OPLAH: variants seen among roughly 807,000 people sequenced by gnomAD.
The protein encoded by OPLAH is 5-oxoprolinase, ATP-hydrolysing.
Under a neutral mutation model 122.8 loss-of-function variants are expected in OPLAH, and 103 were observed. That is an observed-to-expected ratio of 0.84 (90% CI 0.71 to 0.99). OPLAH has a LOEUF of 0.99. OPLAH is among the 50% of genes least tolerant of loss of function. The pLI is 0.00. For missense variants in OPLAH, 1,902 were observed against 1,836.5 expected, an observed-to-expected ratio of 1.04 and a Z score of -0.65; for synonymous variants, 875 against 796.0, an observed-to-expected ratio of 1.10 and a Z score of -1.67.
In OPLAH at chr8:144,055,240, G is replaced by A. The variant is rs1477247890; in HGVS notation, c.2249-51C>T. 4.7e-6 allele frequency: 7 copies of A among 1,483,184 alleles called. No homozygotes were observed. Among genetic ancestry groups the A allele is most frequent in the Non-Finnish European group, 5.4e-6 (6 of 1,117,748 alleles). 91.9% of individuals were successfully genotyped at this position (1,483,184 alleles called of 1,614,324 possible). On this transcript the variant is annotated intron_variant, in intron 16 of 26. Transcript: ENST00000618853. The surrounding 1 kb of genome is among the most constrained non-coding windows in gnomAD (Gnocchi z 6.5). ...GCTGGCCCCACCCACCCACAGCCTG[G>A]CCCCAGGAAAGGGAGGAACAGGACC...
At position 144,051,267 on chromosome 8, in the gene OPLAH, AG is replaced by A; in HGVS notation, c.*58del. 1 of 1,600,532 alleles carries A rather than the reference AG, an allele frequency of 6.2e-7. No individual in the cohort carries two copies. The highest frequency in any genetic ancestry group is 1.1e-5 in the South Asian group (1 of 89,982). ...ACAGACACGACTCGGAGCACGAACT[AG>A]GCGCCGTAGCTGCGTCCCCAGAACC... On this transcript the variant is annotated 3_prime_UTR_variant, in exon 27 of 27. Transcript: ENST00000618853.
In OPLAH at chr8:144,058,645, C is replaced by G; in HGVS notation, c.634G>C (p.Gly212Arg). The change falls in exon 6 of 27, where the codon GGC (glycine) becomes CGC (arginine). Residue 212 changes from glycine to arginine, a missense_variant. Around this residue, in one of 3 missense-constraint regions of OPLAH, gnomAD observed 1,726 missense variants for 1,642.1 expected, o/e 1.05. Transcript: ENST00000618853. ...GAGGACAGTGACACGTGCGTGAAGC[C>G]CAGCTCCCGGGCCAGCACACCCACC... is the stretch of plus-strand genomic sequence containing the variant. ...QQVGVLAREL[G>R]FTHVSLSSEA... The G allele has an allele frequency of 6.2e-7, 1 of 1,600,898 alleles. No homozygotes were observed.
At chr8:144,050,953 A>G (rs1259689101), downstream of OPLAH, 3 of 1,036,370 alleles carry the variant, frequency 2.9e-6, no homozygotes, top group African/African-American at 5.1e-5. Context: ...GCCCTGGAGC[A>G]GGAGAAAGGG....
chr8:144,063,164 C>T (rs1554761171), upstream of OPLAH, among the ~76,000 whole-genome samples: 2 of 152,184 alleles, frequency 1.3e-5, no homozygotes, highest in Admixed American at 1.3e-4. This position sits in a 1 kb window ranked among gnomAD's most constrained non-coding sequence, Gnocchi z 4.2. Context: ...CCTCTGACTG[C>T]ATGGCCAGAC....
chr8:144,058,024 G>T lies in OPLAH; in HGVS notation c.1074C>A (p.Ser358=), dbSNP rs1210981498. The T allele has an allele frequency of 6.2e-7, 1 of 1,612,402 alleles. No homozygotes were observed. Among genetic ancestry groups the T allele is most frequent in the African/African-American group, 1.3e-5 (1 of 74,928 alleles). Residue 358 remains serine, a synonymous_variant, in exon 8 of 27, where the codon TCC becomes TCA. Coordinates refer to ENST00000618853, the MANE Select transcript of OPLAH (RefSeq NM_017570.5). The stretch of plus-strand genomic sequence containing the variant: ...GGAGAGCTGACCTGAAGAAGAGGCG[G>T]GAACCCCCTCCCGCTGCCACGGTGT... ...DINTVAAGGG[S]RLFFRSGLFV...
rs782707183 is a variant in OPLAH at position 144,059,011 on chromosome 8, A to T, written c.432T>A (p.Arg144=). ...CAGGCGTCCCGGTGCCCGCCTCTCC[A>T]CGGTGCAGCACCACGCGTTCGTCCA... ...LEVDERVVLH[R]GEAGTGTPVK... Residue 144 remains arginine (R), a synonymous_variant, in exon 4 of 27, where the codon CGT becomes CGA. Transcript: ENST00000618853. 6.3e-7 allele frequency: 1 copy of T among 1,582,484 alleles called. No individual in the cohort carries two copies. The highest frequency in any genetic ancestry group is 8.6e-7 in the Non-Finnish European group (1 of 1,165,892).
Position 144,054,803 on chromosome 8 carries a change from A to G in OPLAH, c.2511+9T>C. On this transcript the variant is annotated intron_variant, in intron 18 of 26. Coordinates refer to ENST00000618853, the MANE Select transcript of OPLAH (RefSeq NM_017570.5). ...GCCCCAGCAGAGGCAGGCGGGCAGC[A>G]CCCCTCACCGGTGTGATAACAGTCA... 1 of 1,611,990 alleles carries G rather than the reference A, an allele frequency of 6.2e-7. No individual in the cohort carries two copies. Among genetic ancestry groups the G allele is most frequent in the East Asian group, 2.2e-5 (1 of 44,878 alleles).
chr8:144,052,126 C>G (rs782762685), intron 24 of OPLAH, 43 bp downstream of exon 24: 2 of 1,549,592 alleles, frequency 1.3e-6, no homozygotes, highest in Admixed American at 1.8e-5. Flanking sequence ...CGAGCCCCGG[C>G]TCCCACCCGG....
In OPLAH at chr8:144,058,686, G is replaced by C; in HGVS notation, c.593C>G (p.Ala198Gly). Reference sequence around the variant, plus strand: ...CACACCCACCTGCTGCTCATGCTGGGCCCACCTATGACAAAAACCCAGTGG... The same window carrying C: ...CACACCCACCTGCTGCTCATGCTGGCCCCACCTATGACAAAAACCCAGTGG... ...AVVLMHSYTW[A>G]QHEQQVGVLA... Residue 198 changes from alanine to glycine, a missense_variant, in exon 6 of 27, where the codon GCC becomes GGC. Physicochemically the swap from Ala to Gly is moderately conservative, Grantham distance 60. This residue lies in a region of OPLAH where 1,726 missense variants were observed against 1,642.1 expected (regional missense o/e 1.05). Transcript: ENST00000618853. 1 of 1,587,558 alleles carries C rather than the reference G, an allele frequency of 6.3e-7. No homozygotes were observed. Among genetic ancestry groups the C allele is most frequent in the South Asian group, 1.1e-5 (1 of 88,922 alleles).
chr8:144,058,383 G>T lies in OPLAH; in HGVS notation c.805C>A (p.Arg269Ser). The part of the protein sequence containing the change: ...QLKDVQVLFM[R>S]SDGGLAPMDT... ...ATGGGCGCCAGGCCGCCATCGGAGC[G>T]CATGAACAACACCTGCACATCCTGC... The change falls in exon 7 of 27, where the codon CGC becomes AGC. Residue 269 changes from arginine (R) to serine (S), a missense_variant. Physicochemically the swap from Arg to Ser is moderately radical, Grantham distance 110. Coordinates refer to ENST00000618853, the MANE Select transcript of OPLAH (RefSeq NM_017570.5). 2 of 1,592,742 alleles carry T rather than the reference G, an allele frequency of 1.3e-6. No individual in the cohort carries two copies. Among genetic ancestry groups the T allele is most frequent in the Non-Finnish European group, 8.5e-7 (1 of 1,174,014 alleles).
At chr8:144,056,281 A>G (rs782735270) in intron 14 of OPLAH, 22 bp from the exon 15 acceptor site, 3 of 1,603,430 alleles carry the variant, frequency 1.9e-6, no homozygotes, top group Non-Finnish European at 2.6e-6. Flanking sequence ...GCGGGTGAGT[A>G]CAGCGCCCGG....
In OPLAH at chr8:144,051,698, G is replaced by A. The variant is rs575100746; in HGVS notation, c.3720+31C>T. 14 of 1,518,772 alleles carry A rather than the reference G, an allele frequency of 9.2e-6. No individual in the cohort carries two copies. In the African/African-American group the frequency reaches 1.5e-4, roughly 16 times the overall value. 94.1% of individuals were successfully genotyped at this position (1,518,772 alleles called of 1,614,324 possible). On this transcript the variant is annotated intron_variant, in intron 26 of 26. Coordinates refer to ENST00000618853, the MANE Select transcript of OPLAH (RefSeq NM_017570.5). ...GATGGGGCCGGGAGGGGAGGGGAGG[G>A]GAGGGGGACAGGACAGGCCGCGGCC... is the stretch of plus-strand genomic sequence containing the variant.
At position 144,059,691 on chromosome 8, in the gene OPLAH, G is replaced by T; in HGVS notation, c.271C>A (p.Arg91=). 1.2e-6 allele frequency: 2 copies of T among 1,612,200 alleles called. No individual in the cohort carries two copies. The highest frequency in any genetic ancestry group is 8.5e-7 in the Non-Finnish European group (1 of 1,179,802). Residue 91 remains arginine (R), a synonymous_variant, in exon 3 of 27, where the codon CGG becomes AGG. Transcript: ENST00000618853. ...AGCAGCGCCACCCGCTCCCCCTTCC[G>T]CTCCAGCAGTGCGTTGGTGGCCACT... is the stretch of plus-strand genomic sequence containing the variant. The part of the protein sequence containing the change: ...TTVATNALLE[R]KGERVALLVT...
In OPLAH at chr8:144,058,518, C is replaced by T. The variant is rs782739737; in HGVS notation, c.761G>A (p.Arg254His). The T allele has an allele frequency of 3.0e-5, 47 of 1,586,320 alleles. No individual in the cohort carries two copies. In the Middle Eastern group the frequency reaches 5.0e-4, roughly 17 times the overall value. ...AIQRYVQGFC[R>H]GFQGQLKDVQ... ...CACCTTGAGTTGGCCCTGGAAGCCA[C>T]GGCAGAAGCCCTGCACGTAGCGCTG... The change falls in exon 6 of 27, where the codon CGT becomes CAT. Residue 254 changes from arginine to histidine, a missense_variant. By Grantham distance (29) the Arg-to-His change is conservative (BLOSUM62 0). This residue lies in a region of OPLAH where 1,726 missense variants were observed against 1,642.1 expected (regional missense o/e 1.05). Coordinates refer to ENST00000618853, the MANE Select transcript of OPLAH (RefSeq NM_017570.5).
Position 144,052,001 on chromosome 8 carries a change from GC to G in OPLAH, c.3536del (p.Gly1179AlafsTer17). 1 of 1,585,788 alleles carries G rather than the reference GC, an allele frequency of 6.3e-7. No individual in the cohort carries two copies. Among genetic ancestry groups the G allele is most frequent in the Non-Finnish European group, 8.5e-7 (1 of 1,174,574 alleles). ...CACGAAAGAGCAGCTCGCGGGTGAC[GC>G]CGTCGCCGCCTCGGAAGCGGCCTCT... Reference protein sequence around the residue: ...GGRGRFRGGDGVTRELLFREE... With the variant: ...GGRGRFRGGDXVTRELLFREE... On this transcript the variant is annotated frameshift_variant, in exon 25 of 27. Coordinates refer to ENST00000618853, the MANE Select transcript of OPLAH (RefSeq NM_017570.5). LOFTEE classifies it high-confidence loss of function.
intron 3 of OPLAH, 109 bp from the exon 4 acceptor site, chr8:144,059,188 C>T: frequency 3.3e-6 from 3 of 912,660 alleles, no homozygotes; most frequent in Non-Finnish European, 5.0e-6. Flanking sequence ...GGCCGGTCGG[C>T]AGGCCCAGGA....
chr8:144,058,129 G>T lies in OPLAH; in HGVS notation c.969C>A (p.Ser323Arg), dbSNP rs398122906. ...FDMGGTSTDVSRYAGEFEHVF... is the reference protein window; with the variant it reads ...FDMGGTSTDVRRYAGEFEHVF... The stretch of plus-strand genomic sequence containing the variant: ...CGTGCTCGAATTCCCCAGCATAGCG[G>T]CTCACATCCGTGGACGTGCCTGGCA... The change falls in exon 8 of 27, where the codon AGC (serine) becomes AGA (arginine). Residue 323 changes from serine (S) to arginine (R), a missense_variant. Ser to Arg is a moderately radical substitution (Grantham distance 110). Transcript: ENST00000618853. 6.2e-7 allele frequency: 1 copy of T among 1,612,498 alleles called. No homozygotes were observed. Among genetic ancestry groups the T allele is most frequent in the South Asian group, 1.1e-5 (1 of 91,084 alleles).
At position 144,057,557 on chromosome 8, in the gene OPLAH, A is replaced by G. The variant is rs1347502265; in HGVS notation, c.1313T>C (p.Leu438Pro). ...GGAGGCCGGGCAGGGCCCGTTGGTC[A>G]GGAAGCTGTTGACCTCAGTGGCCAC... Reference protein sequence around the residue: ...EAVATEVNSFLTNGPCPASPL... With the variant: ...EAVATEVNSFPTNGPCPASPL... The change falls in exon 10 of 27, where the codon CTG (leucine) becomes CCG (proline). Residue 438 changes from leucine to proline, a missense_variant. Leu to Pro is a moderately conservative substitution (Grantham distance 98, BLOSUM62 -3). This residue lies in a region of OPLAH where 1,726 missense variants were observed against 1,642.1 expected (regional missense o/e 1.05). Transcript: ENST00000618853. 2.5e-6 allele frequency: 4 copies of G among 1,587,786 alleles called. No individual in the cohort carries two copies. In the African/African-American group the frequency reaches 4.0e-5, roughly 16 times the overall value.
intron 19 of OPLAH, 140 bp from the exon 20 acceptor site, chr8:144,053,533 C>A (rs1259277601): frequency 2.5e-6 from 2 of 811,360 alleles, no homozygotes; most frequent in East Asian, 5.3e-5. Flanking sequence ...CTCAGGAAAG[C>A]CCCTCTCCTT....
Sources: allele counts gnomAD v4.1 joint callset (sites outside exome capture counted in the v4.1 genomes callset), GRCh38; gene constraint gnomAD v4.1.1; regional missense constraint gnomAD v4.1.1; non-coding constraint Gnocchi (gnomAD v3.1); transcripts MANE v1.5; gene names NCBI Gene and HGNC (gene_info 2026-07-23, HGNC 2026-07-21).